The following FBXO42 variants were observed in gnomAD, a reference collection of about 807,000 sequenced individuals.
The protein encoded by FBXO42 is F-box only protein 42.
Under a neutral mutation model 71.7 loss-of-function variants are expected in FBXO42, and 12 were observed. The ratio of observed to expected loss-of-function variants is 0.17; its 90% confidence interval spans 0.11 to 0.27. The LOEUF is 0.27. Among genes scored for constraint, FBXO42 ranks in the 10% least tolerant of loss-of-function variants. The probability of loss-of-function intolerance (pLI) is 1.00; values close to 1 mark genes in which losing one functional copy is unlikely to be tolerated. For synonymous variants in FBXO42, 325 were observed against 327.5 expected (o/e 0.99, Z 0.08); for missense variants, 707 against 911.9 (o/e 0.78, Z 2.89).
rs888328200 is a variant in FBXO42, at chr1:16,325,133, G to C, written c.-17-9698C>G. Among the ~76,000 whole-genome samples the C allele has an allele frequency of 2.0e-5, 3 of 152,172 alleles. 1 individual carries two copies. In the South Asian group the frequency reaches 6.2e-4, roughly 32 times the overall value. On this transcript the variant is annotated intron_variant, in intron 1 of 9. Transcript: ENST00000375592. ...CAAACCTGTTGTCCCAGCTACTTGGGAGGCTGAGGTGGGAGGATCTCTTGA... is the reference window on the plus strand; with the variant it reads ...CAAACCTGTTGTCCCAGCTACTTGGCAGGCTGAGGTGGGAGGATCTCTTGA...
intron 1 of FBXO42, among the ~76,000 whole-genome samples, chr1:16,326,202 T>C (rs2082449297): frequency 6.6e-6 from 1 of 151,784 alleles, no homozygotes; most frequent in Middle Eastern, 3.4e-3. Context: ...ATTACAGGCA[T>C]GCACCAGCAT....
chr1:16,347,119 T>C (rs2082660213), intron 1 of FBXO42, among the ~76,000 whole-genome samples: 1 of 152,182 alleles, frequency 6.6e-6, no homozygotes, highest in South Asian at 2.1e-4. Flanking sequence ...TTATATAGTG[T>C]ACATATATAA....
intron 3 of FBXO42, among the ~76,000 whole-genome samples, chr1:16,302,098 T>C (rs1010517515): frequency 6.6e-6 from 1 of 152,020 alleles, no homozygotes; most frequent in Admixed American, 6.6e-5. Context: ...TAATAAATAA[T>C]GGAGGAAGGT....
At chr1:16,326,007 C>A (rs2082445298) in intron 1 of FBXO42, among the ~76,000 whole-genome samples, 1 of 85,672 alleles carries the variant, frequency 1.2e-5, no homozygotes, top group African/African-American at 3.4e-5. Flanking sequence ...AACTTCAGTG[C>A]CCAAATTTGT....
rs1282830516 is a variant in FBXO42 at position 16,351,872 on chromosome 1, TG to T, written c.-18+382del. On this transcript the variant is annotated intron_variant, in intron 1 of 9. Transcript: ENST00000375592. ...CCCCCAGCCGCAGCCCCAATTTTGA[TG>T]GGCACCCGACCCCCGACTCCTCTCT... 2.0e-5 allele frequency among the ~76,000 whole-genome samples: 3 copies of T among 152,260 alleles called. No homozygotes were observed. The East Asian group carries it at 5.8e-4, about 29-fold the overall frequency.
At chr1:16,297,658 G>A (rs996124231) in intron 3 of FBXO42, among the ~76,000 whole-genome samples, 2 of 149,448 alleles carry the variant, frequency 1.3e-5, no homozygotes, top group Non-Finnish European at 3.0e-5. Flanking sequence ...TCAGCAGATC[G>A]AGACCATCCT....
intron 1 of FBXO42, among the ~76,000 whole-genome samples, chr1:16,331,932 C>A (rs2082504725): frequency 6.6e-6 from 1 of 152,148 alleles, no homozygotes; most frequent in East Asian, 1.9e-4. Flanking sequence ...CGCCTGTAAT[C>A]CCAGCACTCG....
intron 1 of FBXO42, among the ~76,000 whole-genome samples, chr1:16,333,432 T>C (rs116408279): frequency 0.03 from 3,126 of 103,774 alleles, 132 homozygotes; most frequent in African/African-American, 0.095. Flanking sequence ...GGGCAAATAG[T>C]GAGACCCCCC....
intron 4 of FBXO42, among the ~76,000 whole-genome samples, chr1:16,265,190 T>G (rs573791633): frequency 6.6e-6 from 1 of 152,280 alleles, no homozygotes; most frequent in East Asian, 1.9e-4. Context: ...GCCTCCCAGT[T>G]TCAACGGATT....
At chr1:16,261,383 T>C (rs2081709523) in intron 4 of FBXO42, among the ~76,000 whole-genome samples, 1 of 152,230 alleles carries the variant, frequency 6.6e-6, no homozygotes, top group Non-Finnish European at 1.5e-5. Context: ...ACGTCTCAGA[T>C]ATCTTGACCT....
chr1:16,334,590 T>C (rs902693055), intron 1 of FBXO42, among the ~76,000 whole-genome samples: 3 of 152,194 alleles, frequency 2.0e-5, no homozygotes, highest in Non-Finnish European at 4.4e-5. Flanking sequence ...CACTGCTTCA[T>C]GTTTACTATT....
chr1:16,346,619 C>T (rs2082656312), intron 1 of FBXO42, among the ~76,000 whole-genome samples: 1 of 147,568 alleles, frequency 6.8e-6, no homozygotes, highest in African/African-American at 2.5e-5. Flanking sequence ...ACCCGGGAAG[C>T]AGAGCTTGCA....
In FBXO42 at chr1:16,274,587, CG is replaced by C. The variant is rs1371911513; in HGVS notation, c.503-17829del. ...CCCCCCCCCATACAAATTATGCCCCCGTTTTTTTTTTTTTTTTTTTTTTGAG... is the reference window on the plus strand; with the variant it reads ...CCCCCCCCCATACAAATTATGCCCCCTTTTTTTTTTTTTTTTTTTTTTGAG... On this transcript the variant is annotated intron_variant, in intron 4 of 9. Transcript: ENST00000375592. Among the ~76,000 whole-genome samples, 7 of 55,758 alleles carry C rather than the reference CG, an allele frequency of 1.3e-4. No homozygotes were observed. In the South Asian group the frequency reaches 2.8e-3, roughly 22 times the overall value. 36.6% of individuals were successfully genotyped at this position (55,758 alleles called of 152,430 possible). A position where few individuals can be genotyped will look rare whatever the true frequency, so the allele number is the denominator to read the frequency against.
At chr1:16,295,460 G>A (rs1037143563) in intron 3 of FBXO42, among the ~76,000 whole-genome samples, 5 of 151,336 alleles carry the variant, frequency 3.3e-5, no homozygotes, top group Non-Finnish European at 5.9e-5. Context: ...GCATGATCTC[G>A]GCTCACTGCA....
intron 4 of FBXO42, among the ~76,000 whole-genome samples, chr1:16,271,268 T>TTG (rs2081842475): frequency 8.4e-6 from 1 of 119,332 alleles, no homozygotes; most frequent in Admixed American, 8.1e-5. Context: ...GGTGTGTGTG[T>TTG]GTGTGTGTGT....
At chr1:16,256,206 TA>T (rs1397710755) in intron 5 of FBXO42, among the ~76,000 whole-genome samples, 1 of 152,162 alleles carries the variant, frequency 6.6e-6, no homozygotes, top group African/African-American at 2.4e-5. Flanking sequence ...TTGCTGTCAT[TA>T]AGAGATATAT....
intron 4 of FBXO42, among the ~76,000 whole-genome samples, chr1:16,257,324 C>A (rs1465267169): frequency 6.6e-6 from 1 of 152,132 alleles, no homozygotes; most frequent in African/African-American, 2.4e-5. Context: ...AACATAGGGA[C>A]CTCCAGGCCC....
chr1:16,287,850 G>A (rs1435988458), intron 4 of FBXO42, among the ~76,000 whole-genome samples: 6 of 152,022 alleles, frequency 3.9e-5, no homozygotes, highest in African/African-American at 9.7e-5. Flanking sequence ...TTGGGAAGCC[G>A]GGGCGGGTGG....
chr1:16,308,518 T>TTCTTG (rs1557595233), intron 2 of FBXO42, among the ~76,000 whole-genome samples: 1 of 143,266 alleles, frequency 7.0e-6, no homozygotes, highest in Non-Finnish European at 1.5e-5. Context: ...TTTTTTCCTT[T>TTCTTG]AGACTGAGTC....
Sources: allele counts gnomAD v4.1 joint callset (sites outside exome capture counted in the v4.1 genomes callset), GRCh38; gene constraint gnomAD v4.1.1; transcripts MANE v1.5; gene names NCBI Gene and HGNC (gene_info 2026-07-23, HGNC 2026-07-21).